The following SCTR variants were observed in gnomAD, a reference collection of about 807,000 sequenced individuals.
SCTR encodes the protein secretin receptor.
SCTR carries 56 observed loss-of-function variants against 60.8 expected under a neutral mutation model. That is an observed-to-expected ratio of 0.92 (90% CI 0.74 to 1.15). The LOEUF is 1.15. Ranked by LOEUF, SCTR falls within the 50% of genes most tolerant of loss-of-function variation. The pLI, the probability that SCTR is intolerant of heterozygous loss-of-function variation, is 0.00. For synonymous variants in SCTR, 202 were observed against 217.0 expected (o/e 0.93, Z 0.61); for missense variants, 562 against 550.4 (o/e 1.02, Z -0.21).
intron 4 of SCTR, among the ~76,000 whole-genome samples, 180 bp from the exon 5 acceptor site, chr2:119,466,066 G>GGGATCATCTGATGATCCCTAA (rs1277684395): frequency 2.0e-5 from 3 of 151,976 alleles, no homozygotes; most frequent in African/African-American, 7.3e-5. Flanking sequence ...AAAGCCCTTA[G>GGGATCATCTGATGATCCCTAA]GGATCATCTG....
intron 4 of SCTR, among the ~76,000 whole-genome samples, chr2:119,470,206 G>A (rs1442322460): frequency 6.6e-6 from 1 of 152,068 alleles, no homozygotes; most frequent in African/African-American, 2.4e-5. Flanking sequence ...GCCAATCTGA[G>A]TCCACTATTG....
intron 2 of SCTR, among the ~76,000 whole-genome samples, chr2:119,491,762 C>T (rs902837622): frequency 3.3e-5 from 5 of 152,184 alleles, no homozygotes; most frequent in Admixed American, 3.3e-4. Context: ...CCACCTGCCT[C>T]GGCCCTCCAA....
At chr2:119,519,266 C>T (rs574658078) in intron 1 of SCTR, among the ~76,000 whole-genome samples, 10 of 152,240 alleles carry the variant, frequency 6.6e-5, no homozygotes, top group Admixed American at 3.9e-4. Context: ...TGGGCCACCG[C>T]GCTCCGCCTA....
chr2:119,482,974 G>T (rs571206079), intron 2 of SCTR, among the ~76,000 whole-genome samples: 1 of 152,362 alleles, frequency 6.6e-6, no homozygotes, highest in Admixed American at 6.5e-5. Context: ...AGCAGCTGGG[G>T]CATTTCCAGA....
chr2:119,452,808 T>C (rs1223002549), intron 8 of SCTR, among the ~76,000 whole-genome samples: 1 of 152,140 alleles, frequency 6.6e-6, no homozygotes, highest in Non-Finnish European at 1.5e-5. Context: ...CCCCAGCTTC[T>C]TTTAAGCTTG....
At chr2:119,451,802 C>T (rs1228502768) in intron 9 of SCTR, among the ~76,000 whole-genome samples, 2 of 152,232 alleles carry the variant, frequency 1.3e-5, no homozygotes, top group Non-Finnish European at 2.9e-5. Context: ...AGGCTCTTGC[C>T]TCCAGCTTAC....
intron 2 of SCTR, among the ~76,000 whole-genome samples, chr2:119,489,448 C>A (rs986133340): frequency 6.6e-6 from 1 of 152,138 alleles, no homozygotes; most frequent in Non-Finnish European, 1.5e-5. Context: ...TCTGGCAAGC[C>A]CTGTGTCAAG....
chr2:119,478,478 G>A (rs1239414291), intron 3 of SCTR, among the ~76,000 whole-genome samples: 1 of 152,146 alleles, frequency 6.6e-6, no homozygotes, highest in East Asian at 1.9e-4. Flanking sequence ...CATGGGGACT[G>A]GAACAAGGCC....
At chr2:119,483,302 A>G (rs1677715275) in intron 2 of SCTR, among the ~76,000 whole-genome samples, 1 of 152,208 alleles carries the variant, frequency 6.6e-6, no homozygotes, top group African/African-American at 2.4e-5. Flanking sequence ...CACGGCGGAG[A>G]TGAGGAAGCT....
chr2:119,517,968 A>G (rs1032544492), intron 1 of SCTR, among the ~76,000 whole-genome samples: 1 of 152,170 alleles, frequency 6.6e-6, no homozygotes, highest in Admixed American at 6.5e-5. Flanking sequence ...TAGGGCCCTG[A>G]TCCTATAGGA....
intron 4 of SCTR, among the ~76,000 whole-genome samples, chr2:119,472,079 G>T (rs1393146674): frequency 6.6e-6 from 1 of 152,210 alleles, no homozygotes; most frequent in Non-Finnish European, 1.5e-5. Context: ...CCGTGATTTT[G>T]CCCAGACCCA....
rs1683605683 is a variant in SCTR, at chr2:119,461,619, G to A, written c.790+228C>T. Among the ~76,000 whole-genome samples, 2 of 150,690 alleles carry A rather than the reference G, an allele frequency of 1.3e-5. 1 individual carries two copies. Among genetic ancestry groups the A allele is most frequent in the South Asian group, 4.2e-4 (2 of 4,780 alleles). On this transcript the variant is annotated intron_variant, in intron 7 of 12. Transcript: ENST00000019103. Reference sequence around the variant, plus strand: ...CCAGCTACTTGGGAAGCTGAGGTAGGAGAATCACTTGAACCTGGGAGATGA... The same window carrying A: ...CCAGCTACTTGGGAAGCTGAGGTAGAAGAATCACTTGAACCTGGGAGATGA...
chr2:119,446,542 C>A (rs1044479969), intron 11 of SCTR, among the ~76,000 whole-genome samples: 1 of 152,142 alleles, frequency 6.6e-6, no homozygotes, highest in South Asian at 2.1e-4. Context: ...TGAAGTCAGT[C>A]TCTCTGTCTC....
At chr2:119,483,066 G>A (rs996626110) in intron 2 of SCTR, among the ~76,000 whole-genome samples, 6 of 152,254 alleles carry the variant, frequency 3.9e-5, no homozygotes, top group Admixed American at 3.3e-4. Flanking sequence ...GTCAGCCAGG[G>A]TACCAGCCGC....
At chr2:119,512,383 CCTTCTCCTTCTCCTTCTT>C (rs1267053339) in intron 1 of SCTR, among the ~76,000 whole-genome samples, 10 of 103,294 alleles carry the variant, frequency 9.7e-5, no homozygotes, top group Non-Finnish European at 1.5e-4. Context: ...TTCTCCTTCT[CCTTCTCCTTCTCCTTCTT>C]CTTCTTTCTT....
At position 119,478,815 on chromosome 2, in the gene SCTR, T is replaced by C. The variant is rs753097466; in HGVS notation, c.297A>G (p.Arg99=). The C allele has an allele frequency of 3.0e-5, 48 of 1,614,024 alleles. No homozygotes were observed. The highest frequency in any genetic ancestry group is 3.9e-5 in the Non-Finnish European group (46 of 1,180,028). ...CCCCATGGGCCGAGTGGTTACCATT[T>C]CTGCTGGTGAGCATCCGGAGGAATC... The part of the protein sequence containing the change: ...CPRFLRMLTS[R]NGSLFRNCTQ... The change falls in exon 3 of 13, where the codon AGA becomes AGG. Residue 99 remains arginine, a synonymous_variant. Transcript: ENST00000019103.
chr2:119,515,271 T>G (rs949328917), intron 1 of SCTR, among the ~76,000 whole-genome samples: 3 of 152,166 alleles, frequency 2.0e-5, no homozygotes, highest in Non-Finnish European at 4.4e-5. Context: ...AGTCTGCCAT[T>G]ATGAGAAGGA....
At chr2:119,461,819 C>A in intron 7 of SCTR, 28 bp downstream of exon 7, 1 of 1,589,390 alleles carries the variant, frequency 6.3e-7, no homozygotes, top group Non-Finnish European at 8.6e-7. Flanking sequence ...ACATACCATG[C>A]AGATATCAGA....
chr2:119,508,383 C>CTTTTTT (rs34070844), intron 1 of SCTR, among the ~76,000 whole-genome samples: 308 of 77,396 alleles, frequency 4.0e-3, no homozygotes, highest in Middle Eastern at 0.01. Context: ...TCTTCTTCTT[C>CTTTTTT]TTTTTTTTTT....
Sources: allele counts gnomAD v4.1 joint callset (sites outside exome capture counted in the v4.1 genomes callset), GRCh38; gene constraint gnomAD v4.1.1; transcripts MANE v1.5; gene names NCBI Gene and HGNC (gene_info 2026-07-23, HGNC 2026-07-21).